The following GPHN variants were observed in gnomAD, a reference collection of about 807,000 sequenced individuals.
GPHN encodes gephyrin.
GPHN carries 17 observed loss-of-function variants against 95.5 expected under a neutral mutation model. That is an observed-to-expected ratio of 0.18 (90% CI 0.12 to 0.27). GPHN has a LOEUF of 0.27. GPHN is among the 10% of genes least tolerant of loss of function. GPHN has a pLI of 1.00. For synonymous variants in GPHN, 320 were observed against 322.5 expected (o/e 0.99, Z 0.08); for missense variants, 660 against 978.1 (o/e 0.67, Z 4.34).
chr14:66,710,767 C>T (rs143948037), intron 2 of GPHN, among the ~76,000 whole-genome samples: 65 of 152,250 alleles, frequency 4.3e-4, no homozygotes, highest in African/African-American at 1.4e-3. Context: ...GCTTTTTAAC[C>T]TATGTGCCTC....
intron 18 of GPHN, 49 bp from the exon 19 acceptor site, chr14:67,159,366 C>A: frequency 9.9e-7 from 1 of 1,014,300 alleles, no homozygotes; most frequent in South Asian, 1.3e-5. Context: ...TGTTGAAAGT[C>A]TAATATTAAA....
chr14:66,634,879 C>A lies in GPHN; in HGVS notation c.65-46228C>A, dbSNP rs191021172. Among the ~76,000 whole-genome samples, 13 of 152,254 alleles carry A rather than the reference C, an allele frequency of 8.5e-5. No individual in the cohort carries two copies. In the East Asian group the frequency reaches 9.6e-4, roughly 11 times the overall value. ...ATCACTAACTACTATTAGACATGTA[C>A]CCCATTTTTACTGTATATTGCTGTA... On this transcript the variant is annotated intron_variant, in intron 1 of 22. Transcript: ENST00000478722.
At chr14:67,415,527 G>A in the GPHN span, among the ~76,000 whole-genome samples, 1 of 152,150 alleles carries the variant, frequency 6.6e-6, no homozygotes, top group Non-Finnish European at 1.5e-5. Context: ...TAAAATTCTT[G>A]AAGCATATCA....
At chr14:67,071,709 G>C (rs2076318232) in intron 11 of GPHN, among the ~76,000 whole-genome samples, 1 of 151,706 alleles carries the variant, frequency 6.6e-6, no homozygotes, top group Non-Finnish European at 1.5e-5. Context: ...GTCGCAATCA[G>C]GTAGACTGAT....
At chr14:67,463,752 AAT>A in the GPHN span, among the ~76,000 whole-genome samples, 1 of 152,096 alleles carries the variant, frequency 6.6e-6, no homozygotes, top group Admixed American at 6.5e-5. Flanking sequence ...GGGAGGCTAG[AAT>A]GTGCTCCCAG....
chr14:67,193,885 C>T, the GPHN span, among the ~76,000 whole-genome samples: 1 of 138,788 alleles, frequency 7.2e-6, no homozygotes, highest in Non-Finnish European at 1.5e-5. Context: ...GTTGAGGCTG[C>T]AGTGAGCAAT....
intron 3 of GPHN, among the ~76,000 whole-genome samples, chr14:66,784,834 A>G (rs903420138): frequency 2.6e-5 from 4 of 152,248 alleles, no homozygotes; most frequent in African/African-American, 9.6e-5. Flanking sequence ...GGACAAAAAC[A>G]GAAAATAGAT....
the GPHN span, chr14:67,383,845 T>C: frequency 4.1e-6 from 1 of 243,182 alleles, no homozygotes; most frequent in Non-Finnish European, 8.2e-6. Context: ...ATCAAATAAA[T>C]TTCTGGGATA....
chr14:67,032,213 C>G (rs1020245334), intron 10 of GPHN, among the ~76,000 whole-genome samples: 1 of 152,160 alleles, frequency 6.6e-6, no homozygotes, highest in Non-Finnish European at 1.5e-5. Context: ...ATCCAATATT[C>G]TAGCTTTTCA....
chr14:67,382,675 G>A, the GPHN span: 4 of 1,485,200 alleles, frequency 2.7e-6, no homozygotes, highest in Admixed American at 1.7e-5. Context: ...TGTCGGCCTT[G>A]GAATGTCATA....
chr14:67,703,068 C>T, the GPHN span, among the ~76,000 whole-genome samples: 1 of 152,174 alleles, frequency 6.6e-6, no homozygotes, highest in Non-Finnish European at 1.5e-5. Context: ...GATCCTCCTA[C>T]CTTGGCCTCC....
the GPHN span, chr14:67,542,114 C>G: frequency 1.1e-6 from 1 of 922,326 alleles, no homozygotes; most frequent in Admixed American, 3.1e-5. Context: ...TCCCCATATG[C>G]AAAATGAAAC....
At chr14:66,963,599 T>C (rs1422182339) in intron 8 of GPHN, among the ~76,000 whole-genome samples, 2 of 152,226 alleles carry the variant, frequency 1.3e-5, no homozygotes, top group East Asian at 3.9e-4. Flanking sequence ...ACATGGCCTT[T>C]TTAATTGGAT....
At chr14:67,043,221 T>C (rs1388133057) in intron 10 of GPHN, among the ~76,000 whole-genome samples, 1 of 152,228 alleles carries the variant, frequency 6.6e-6, no homozygotes, top group African/African-American at 2.4e-5. Context: ...ATATCCTTTA[T>C]CGCTTTCTCT....
chr14:66,953,835 C>A (rs919741167), intron 8 of GPHN, among the ~76,000 whole-genome samples: 3 of 152,064 alleles, frequency 2.0e-5, no homozygotes, highest in African/African-American at 7.2e-5. Context: ...GCGTTTGAGA[C>A]CACTCTGGCC....
chr14:67,728,621 G>A, the GPHN span, among the ~76,000 whole-genome samples: 1 of 150,334 alleles, frequency 6.7e-6, no homozygotes, highest in African/African-American at 2.5e-5. Flanking sequence ...AGAATTAAAT[G>A]AAATAATACA....
chr14:66,630,663 G>A (rs956187712), intron 1 of GPHN, among the ~76,000 whole-genome samples: 3 of 152,044 alleles, frequency 2.0e-5, no homozygotes, highest in African/African-American at 7.2e-5. Flanking sequence ...TAGTGGAAAC[G>A]GAGTTTCACT....
Position 67,058,795 on chromosome 14 carries a change from A to G in GPHN, c.1144+9A>G, listed in dbSNP as rs200060659. Reference sequence around the variant, plus strand: ...AATCATCAATTACCGAGGTACTATTATATTTGACCATTGCCCTTTCTTTTC... The same window carrying G: ...AATCATCAATTACCGAGGTACTATTGTATTTGACCATTGCCCTTTCTTTTC... On this transcript the variant is annotated intron_variant, in intron 11 of 22. Coordinates refer to ENST00000478722, the MANE Select transcript of GPHN (RefSeq NM_020806.5). 1.2e-4 allele frequency: 190 copies of G among 1,611,342 alleles called. No homozygotes were observed. The highest frequency in any genetic ancestry group is 5.3e-4 in the Admixed American group (32 of 60,018).
the GPHN span, chr14:67,729,448 T>C: frequency 6.7e-7 from 1 of 1,494,094 alleles, no homozygotes; most frequent in South Asian, 1.1e-5. Context: ...CGCTGGGCTG[T>C]TCATCCTGAG....
Sources: gnomAD v4.1 joint callset for allele counts (sites outside exome capture counted in the v4.1 genomes callset) on GRCh38, gnomAD v4.1.1 for gene constraint, MANE v1.5 for transcripts, NCBI Gene and HGNC (gene_info 2026-07-23, HGNC 2026-07-21) for gene names.